Variants in ACVR1C observed in about 807,000 individuals in gnomAD.
The protein encoded by ACVR1C is activin A receptor type 1C, also known as activin receptor type-1C.
In ACVR1C, 23 loss-of-function variants were observed where a neutral mutation model predicts 57.9. That is an observed-to-expected ratio of 0.40 (90% CI 0.29 to 0.56). ACVR1C has a LOEUF of 0.56. ACVR1C is among the 20% of genes least tolerant of loss of function. The pLI is 0.50. For synonymous variants in ACVR1C, 214 were observed against 215.3 expected, an observed-to-expected ratio of 0.99 and a Z score of 0.05; for missense variants, 480 against 607.9, an observed-to-expected ratio of 0.79 and a Z score of 2.21.
chr2:157,555,598 C>G (rs1688081497), intron 3 of ACVR1C, among the ~76,000 whole-genome samples: 1 of 152,194 alleles, frequency 6.6e-6, no homozygotes, highest in South Asian at 2.1e-4. Flanking sequence ...CTGTTAGCTT[C>G]ACACACATCT....
chr2:157,563,029 A>T (rs4664891), intron 2 of ACVR1C, among the ~76,000 whole-genome samples: 2,483 of 152,312 alleles, frequency 0.016, 164 homozygotes, highest in East Asian at 0.11. Flanking sequence ...AATGGGCAAA[A>T]GCTGAAAGCA....
At chr2:157,584,250 C>A (rs1045567350) in intron 2 of ACVR1C, among the ~76,000 whole-genome samples, 3 of 151,410 alleles carry the variant, frequency 2.0e-5, no homozygotes, top group African/African-American at 7.3e-5. Flanking sequence ...CTACAGGCAC[C>A]CACCACCATG....
At chr2:157,626,867 C>T (rs1202527998) in intron 1 of ACVR1C, among the ~76,000 whole-genome samples, 1 of 152,176 alleles carries the variant, frequency 6.6e-6, no homozygotes, top group Non-Finnish European at 1.5e-5. Context: ...AAATACATCT[C>T]TACTATATTA....
intron 8 of ACVR1C, 94 bp from the exon 9 acceptor site, chr2:157,534,137 A>T: frequency 8.4e-7 from 1 of 1,184,472 alleles, no homozygotes; most frequent in Non-Finnish European, 1.1e-6. Flanking sequence ...AATTGATGCT[A>T]AGCTTTTTTT....
intron 1 of ACVR1C, among the ~76,000 whole-genome samples, chr2:157,587,662 G>C (rs1414602157): frequency 6.6e-6 from 1 of 151,794 alleles, no homozygotes; most frequent in East Asian, 1.9e-4. Context: ...TATATTTAAA[G>C]CATTTGCCTC....
chr2:157,547,844 T>C (rs1472418235), intron 4 of ACVR1C, among the ~76,000 whole-genome samples: 1 of 151,848 alleles, frequency 6.6e-6, no homozygotes, highest in African/African-American at 2.4e-5. Flanking sequence ...TTGTCAATTT[T>C]GTCTTTTGTT....
At chr2:157,593,977 T>C (rs558126044) in intron 1 of ACVR1C, among the ~76,000 whole-genome samples, 2 of 152,234 alleles carry the variant, frequency 1.3e-5, no homozygotes, top group Admixed American at 1.3e-4. Context: ...AAAGAAAAAC[T>C]GTTCCTTTGC....
At chr2:157,588,341 G>A (rs923751774) in intron 1 of ACVR1C, among the ~76,000 whole-genome samples, 3 of 151,814 alleles carry the variant, frequency 2.0e-5, no homozygotes, top group Non-Finnish European at 4.4e-5. Flanking sequence ...TCGTCAGCAT[G>A]AAGCGCCTAG....
chr2:157,578,397 T>C (rs997437276), intron 2 of ACVR1C, among the ~76,000 whole-genome samples: 6 of 152,224 alleles, frequency 3.9e-5, no homozygotes, highest in African/African-American at 1.4e-4. Flanking sequence ...TTTAACTCCG[T>C]TGGCCCCTCT....
intron 4 of ACVR1C, among the ~76,000 whole-genome samples, chr2:157,549,493 C>A (rs572394911): frequency 6.6e-6 from 1 of 152,256 alleles, no homozygotes; most frequent in South Asian, 2.1e-4. Flanking sequence ...GGATTCTGTT[C>A]TACTTGAGGC....
At chr2:157,562,994 C>T (rs752016559) in intron 2 of ACVR1C, among the ~76,000 whole-genome samples, 12 of 152,144 alleles carry the variant, frequency 7.9e-5, no homozygotes, top group Non-Finnish European at 1.8e-4. Flanking sequence ...CTATTTATGA[C>T]AACCCCACAG....
Position 157,602,686 on chromosome 2 carries a change from G to A in ACVR1C, c.74-15269C>T, listed in dbSNP as rs530669724. Among the ~76,000 whole-genome samples, 11 of 152,128 alleles carry A rather than the reference G, an allele frequency of 7.2e-5. No homozygotes were observed. The South Asian group carries it at 2.3e-3, about 32-fold the overall frequency. On this transcript the variant is annotated intron_variant, in intron 1 of 8. Coordinates refer to ENST00000243349, the MANE Select transcript of ACVR1C (RefSeq NM_145259.3). Reference sequence around the variant, plus strand: ...CTCCTTTTTAGTAATATTTATTTAGGTTGGAACTTGTTCACTATAAATATG... The same window carrying A: ...CTCCTTTTTAGTAATATTTATTTAGATTGGAACTTGTTCACTATAAATATG...
intron 4 of ACVR1C, among the ~76,000 whole-genome samples, chr2:157,547,013 T>G (rs1321959565): frequency 7.6e-6 from 1 of 131,756 alleles, no homozygotes; most frequent in African/African-American, 2.9e-5. Context: ...TTACCCTTCC[T>G]GTGTCCATGT....
chr2:157,604,271 A>C (rs545551469), intron 1 of ACVR1C, among the ~76,000 whole-genome samples: 1 of 152,142 alleles, frequency 6.6e-6, no homozygotes, highest in East Asian at 1.9e-4. Flanking sequence ...ACTACTTTTT[A>C]GACATTTTCT....
chr2:157,527,187 T>C lies in ACVR1C; in HGVS notation c.*6731A>G, dbSNP rs1200429334. On this transcript the variant is annotated 3_prime_UTR_variant, in exon 9 of 9. Coordinates refer to ENST00000243349, the MANE Select transcript of ACVR1C (RefSeq NM_145259.3). ...TTTGAAATTCTCTTCACCTTCCACA[T>C]TTAAATTACAACTACTAAAATCCAT... 2 of 152,204 alleles carry C rather than the reference T, an allele frequency of 1.3e-5. No homozygotes were observed. The highest frequency in any genetic ancestry group is 2.9e-5 in the Non-Finnish European group (2 of 68,018). 9.4% of individuals were successfully genotyped at this position (152,204 alleles called of 1,614,324 possible). A position where few individuals can be genotyped will look rare whatever the true frequency, so the allele number is the denominator to read the frequency against.
intron 1 of ACVR1C, among the ~76,000 whole-genome samples, chr2:157,613,112 C>T (rs527660671): frequency 1.3e-5 from 2 of 152,334 alleles, no homozygotes; most frequent in Non-Finnish European, 2.9e-5. Context: ...TACCCATTCC[C>T]TGCAATAGGA....
intron 1 of ACVR1C, among the ~76,000 whole-genome samples, chr2:157,594,875 G>C (rs1682052204): frequency 6.6e-6 from 1 of 152,210 alleles, no homozygotes; most frequent in South Asian, 2.1e-4. Context: ...GGCTAGAAGA[G>C]TGTTATTTAT....
In ACVR1C at chr2:157,529,642, G is replaced by A. The variant is rs1687312463; in HGVS notation, c.*4276C>T. 6.6e-6 allele frequency: 1 copy of A among 151,958 alleles called. No homozygotes were observed. Among genetic ancestry groups the A allele is most frequent in the African/African-American group, 2.4e-5 (1 of 41,374 alleles). The allele number at this position is 151,958 out of a possible 1,614,324, so 9.4% of individuals were successfully genotyped here. ...TGGAATAACTTTATATAATCTCTGA[G>A]AGTACTAAGGGATTCTCTTTCATTA... On this transcript the variant is annotated 3_prime_UTR_variant, in exon 9 of 9. Transcript: ENST00000243349.
At chr2:157,553,941 G>C (rs1687984285) in intron 3 of ACVR1C, among the ~76,000 whole-genome samples, 1 of 151,866 alleles carries the variant, frequency 6.6e-6, no homozygotes, top group Non-Finnish European at 1.5e-5. Flanking sequence ...CCAGCACTTT[G>C]GGTGGCCAAG....
Sources: gnomAD v4.1 joint callset for allele counts (sites outside exome capture counted in the v4.1 genomes callset) on GRCh38, gnomAD v4.1.1 for gene constraint, MANE v1.5 for transcripts, NCBI Gene and HGNC (gene_info 2026-07-23, HGNC 2026-07-21) for gene names.